The following TP73 variants were observed in gnomAD, a reference collection of about 807,000 sequenced individuals.
TP73 encodes the protein p53-like transcription factor.
In TP73, 25 loss-of-function variants were observed where a neutral mutation model predicts 62.5. The observed-to-expected ratio is 0.40, with a 90% confidence interval of 0.29 to 0.56. The LOEUF (loss-of-function observed/expected upper bound fraction) is 0.56. Ranked by LOEUF, TP73 falls within the 20% of genes least tolerant of loss-of-function variation. TP73 has a pLI of 0.46. For missense variants in TP73, 754 were observed against 913.3 expected (o/e 0.83, Z 2.25); for synonymous variants, 423 against 377.5 (o/e 1.12, Z -1.40).
rs761195868 is a variant in TP73, at chr1:3,732,969, G to A, written c.1801G>A (p.Gly601Ser). Residue 601 changes from glycine (G) to serine (S), a missense_variant, in exon 14 of 14, where the codon GGC (glycine) becomes AGC (serine). Coordinates refer to ENST00000378295, the MANE Select transcript of TP73 (RefSeq NM_005427.4). The part of the protein sequence containing the change: ...RHTITIPNRG[G>S]PGGGPDEWAD... ...CACCATCACCATCCCCAACCGCGGC[G>A]GCCCAGGCGGCGGCCCTGACGAGTG... The A allele has an allele frequency of 9.4e-6, 15 of 1,601,460 alleles. No homozygotes were observed. The highest frequency in any genetic ancestry group is 6.7e-5 in the South Asian group (6 of 89,912).
intron 3 of TP73, among the ~76,000 whole-genome samples, chr1:3,690,233 G>T (rs1645776312): frequency 6.6e-6 from 1 of 152,166 alleles, no homozygotes; most frequent in South Asian, 2.1e-4. Flanking sequence ...CTCCCTCGGG[G>T]GTCTAGGGTC....
intron 3 of TP73, among the ~76,000 whole-genome samples, chr1:3,684,180 T>G (rs1557507157): frequency 6.6e-6 from 1 of 152,232 alleles, no homozygotes; most frequent in Non-Finnish European, 1.5e-5. Context: ...CCGTCCCCGC[T>G]GGACTCGTCA....
rs1645034733 is a variant in TP73, at chr1:3,663,194, C to T, written c.-34+10553C>T. Among the ~76,000 whole-genome samples the T allele has an allele frequency of 6.6e-6, 1 of 152,164 alleles. No individual in the cohort carries two copies. The highest frequency in any genetic ancestry group is 6.5e-5 in the Admixed American group (1 of 15,278). On this transcript the variant is annotated intron_variant, in intron 1 of 13. Coordinates refer to ENST00000378295, the MANE Select transcript of TP73 (RefSeq NM_005427.4). The surrounding 1 kb of genome is among the most constrained non-coding windows in gnomAD (Gnocchi z 4.7). ...CCTCTCTTCTTCACGAGGCTGGTGG[C>T]TGCGGCACCTACAAAGACAGGTTAA... is the stretch of plus-strand genomic sequence containing the variant.
In TP73 at chr1:3,682,362, G is replaced by A. The variant is rs372497457; in HGVS notation, c.-4G>A. 4 of 1,542,152 alleles carry A rather than the reference G, an allele frequency of 2.6e-6. No homozygotes were observed. Among genetic ancestry groups the A allele is most frequent in the South Asian group, 1.2e-5 (1 of 83,132 alleles). On this transcript the variant is annotated 5_prime_UTR_variant, in exon 2 of 14. Coordinates refer to ENST00000378295, the MANE Select transcript of TP73 (RefSeq NM_005427.4). Reference sequence around the variant, plus strand: ...AGCTGCCCTCGGAGGCCGGCGTGGGGAAGATGGCCCAGTCCACCGCCACCT... The same window carrying A: ...AGCTGCCCTCGGAGGCCGGCGTGGGAAAGATGGCCCAGTCCACCGCCACCT...
chr1:3,698,619 G>A (rs1025224748), intron 3 of TP73, among the ~76,000 whole-genome samples: 1 of 152,192 alleles, frequency 6.6e-6, no homozygotes, highest in Non-Finnish European at 1.5e-5. Context: ...GGGAGGAGGC[G>A]GCGGCACCGT....
chr1:3,680,803 T>G (rs992881021), intron 1 of TP73, among the ~76,000 whole-genome samples: 2 of 152,228 alleles, frequency 1.3e-5, no homozygotes, highest in Admixed American at 1.3e-4. Flanking sequence ...TCAGCTCCAC[T>G]GGGGTTTTAG....
At chr1:3,664,433 G>A (rs1194315055) in intron 1 of TP73, among the ~76,000 whole-genome samples, 2 of 152,198 alleles carry the variant, frequency 1.3e-5, no homozygotes, top group African/African-American at 4.8e-5. Context: ...GGGGCAGGCT[G>A]CCCCTCCTGC....
At position 3,663,970 on chromosome 1, in the gene TP73, C is replaced by T. The variant is rs186458573; in HGVS notation, c.-34+11329C>T. On this transcript the variant is annotated intron_variant, in intron 1 of 13. Transcript: ENST00000378295. This position sits in a 1 kb window ranked among gnomAD's most constrained non-coding sequence, Gnocchi z 4.7. The stretch of plus-strand genomic sequence containing the variant: ...TGAGCCCAATCAGTACCCTGGGGGT[C>T]GTGGCCGGCCCCCCTCCCTCCATGC... Among the ~76,000 whole-genome samples, 2 of 152,270 alleles carry T rather than the reference C, an allele frequency of 1.3e-5. No homozygotes were observed. The highest frequency in any genetic ancestry group is 3.9e-4 in the East Asian group (2 of 5,158).
intron 1 of TP73, among the ~76,000 whole-genome samples, chr1:3,665,442 T>A (rs1478728258): frequency 1.3e-5 from 2 of 152,206 alleles, no homozygotes; most frequent in Non-Finnish European, 2.9e-5. Flanking sequence ...ACTCCAAGAA[T>A]TCATTGTCTA....
chr1:3,669,452 ACCG>A (rs1056664073), intron 1 of TP73, among the ~76,000 whole-genome samples: 1 of 152,158 alleles, frequency 6.6e-6, no homozygotes, highest in African/African-American at 2.4e-5. Context: ...TGGCTCTGGT[ACCG>A]CCACCTCCAC....
intron 1 of TP73, among the ~76,000 whole-genome samples, chr1:3,664,937 G>A (rs983630853): frequency 6.6e-6 from 1 of 152,234 alleles, no homozygotes; most frequent in African/African-American, 2.4e-5. Context: ...TCTCTTTATG[G>A]TCCTCGCAAT....
chr1:3,673,647 G>A lies in TP73; in HGVS notation c.-33-8686G>A, dbSNP rs550148936. Among the ~76,000 whole-genome samples the A allele has an allele frequency of 1.2e-4, 18 of 152,302 alleles. No individual in the cohort carries two copies. The South Asian group carries it at 2.1e-3, about 18-fold the overall frequency. On this transcript the variant is annotated intron_variant, in intron 1 of 13. Coordinates refer to ENST00000378295, the MANE Select transcript of TP73 (RefSeq NM_005427.4). ...GGAGAGGGAACTGGAGTGTGTGCCC[G>A]GCAGTGCTGGGCTTCAGGGCACGAA...
Position 3,719,890 on chromosome 1 carries a change from TTGTGTGTGTGTGTGTGTGTGTGTGTG to T in TP73, c.430-2110_430-2085del, listed in dbSNP as rs5772122. On this transcript the variant is annotated intron_variant, in intron 4 of 13. Transcript: ENST00000378295. ...TGTTTCTGCTTTTCTTTTTTTCTCT[TTGTGTGTGTGTGTGTGTGTGTGTGTG>T]TGTGTGTGTGTGTGTGTGTGACGGA... Among the ~76,000 whole-genome samples, 15 of 132,208 alleles carry T rather than the reference TTGTGTGTGTGTGTGTGTGTGTGTGTG, an allele frequency of 1.1e-4. No homozygotes were observed. The East Asian group carries it at 1.8e-3, about 16-fold the overall frequency. The allele number at this position is 132,208 out of a possible 152,430, so 86.7% of individuals were successfully genotyped here.
At chr1:3,682,615 G>A (rs1645552017) in intron 2 of TP73, among the ~76,000 whole-genome samples, 185 bp downstream of exon 2, 1 of 152,230 alleles carries the variant, frequency 6.6e-6, no homozygotes, top group Non-Finnish European at 1.5e-5. Flanking sequence ...TGGGATTCTG[G>A]GCTAGCCTCG....
rs1156769959 is a variant in TP73, at chr1:3,735,156, G to C, written c.*2077G>C. 1 of 152,258 alleles carries C rather than the reference G, an allele frequency of 6.6e-6. No individual in the cohort carries two copies. The highest frequency in any genetic ancestry group is 1.9e-4 in the East Asian group (1 of 5,192). The allele number at this position is 152,258 out of a possible 1,614,324, so 9.4% of individuals were successfully genotyped here. On this transcript the variant is annotated 3_prime_UTR_variant, in exon 14 of 14. Coordinates refer to ENST00000378295, the MANE Select transcript of TP73 (RefSeq NM_005427.4). ...GCCCCAGGCACCACACCCATCTCTT[G>C]GGGGCTGGGCACCTGCTACCCGAGG...
intron 3 of TP73, among the ~76,000 whole-genome samples, chr1:3,692,301 T>G (rs557991659): frequency 0.01 from 1,531 of 152,038 alleles, 12 homozygotes; most frequent in Middle Eastern, 0.02. Context: ...AGAGGGTGGG[T>G]GAGGGTGTGG....
intron 4 of TP73, among the ~76,000 whole-genome samples, chr1:3,716,898 G>C (rs2124450305): frequency 6.6e-6 from 1 of 152,260 alleles, no homozygotes; most frequent in South Asian, 2.1e-4. Context: ...GGCAGAGGGT[G>C]GGCTCAAAGA....
At position 3,707,654 on chromosome 1, in the gene TP73, C is replaced by T. The variant is rs1486664777; in HGVS notation, c.292C>T (p.Pro98Ser). The change falls in exon 4 of 14, where the codon CCC becomes TCC. Residue 98 changes from proline (P) to serine (S), a missense_variant. Pro to Ser is a moderately conservative substitution (Grantham distance 74). Coordinates refer to ENST00000378295, the MANE Select transcript of TP73 (RefSeq NM_005427.4). Reference sequence around the variant, plus strand: ...CGCCGCCAGCGTGCCCACCCACTCGCCCTACGCACAACCCAGCTCCACCTT... The same window carrying T: ...CGCCGCCAGCGTGCCCACCCACTCGTCCTACGCACAACCCAGCTCCACCTT... ...EHAASVPTHS[P>S]YAQPSSTFDT... The T allele has an allele frequency of 6.2e-7, 1 of 1,613,044 alleles. No individual in the cohort carries two copies. Among genetic ancestry groups the T allele is most frequent in the African/African-American group, 1.3e-5 (1 of 74,918 alleles).
At chr1:3,715,350 G>A (rs1372949837) in intron 4 of TP73, among the ~76,000 whole-genome samples, 4 of 152,086 alleles carry the variant, frequency 2.6e-5, no homozygotes, top group Admixed American at 6.5e-5. Context: ...CTGCAGTGCC[G>A]TCTTCCTGGA....
Sources: allele counts gnomAD v4.1 joint callset (sites outside exome capture counted in the v4.1 genomes callset), GRCh38; gene constraint gnomAD v4.1.1; non-coding constraint Gnocchi (gnomAD v3.1); transcripts MANE v1.5; gene names NCBI Gene and HGNC (gene_info 2026-07-23, HGNC 2026-07-21).